The following MAP3K20 variants were observed in gnomAD, a reference collection of about 807,000 sequenced individuals.
The protein encoded by MAP3K20 is HCCS-4.
Under a neutral mutation model 85.7 loss-of-function variants are expected in MAP3K20, and 40 were observed. The observed-to-expected ratio is 0.47, with a 90% CI of 0.36 to 0.61. The LOEUF (loss-of-function observed/expected upper bound fraction) is 0.61, where lower values mean the gene tolerates loss of function less well. Ranked by LOEUF, MAP3K20 falls within the 20% of genes least tolerant of loss-of-function variation. The probability of loss-of-function intolerance (pLI) is 0.00; values close to 1 mark genes in which losing one functional copy is unlikely to be tolerated. For missense variants in MAP3K20, 817 were observed against 961.7 expected (o/e 0.85, Z 1.99); for synonymous variants, 325 against 327.7 (o/e 0.99, Z 0.09).
intron 2 of MAP3K20, among the ~76,000 whole-genome samples, chr2:173,119,629 G>T (rs961896077): frequency 6.6e-6 from 1 of 152,172 alleles, no homozygotes; most frequent in African/African-American, 2.4e-5. Flanking sequence ...GTGCTGAGAG[G>T]CAATAAATTG....
intron 3 of MAP3K20, among the ~76,000 whole-genome samples, chr2:173,181,658 A>G (rs1468313685): frequency 6.6e-6 from 1 of 152,224 alleles, no homozygotes; most frequent in East Asian, 1.9e-4. Flanking sequence ...TGGGGACTGA[A>G]TAAACCAAAT....
At chr2:173,121,447 G>C (rs1305122297) in intron 2 of MAP3K20, among the ~76,000 whole-genome samples, 1 of 152,116 alleles carries the variant, frequency 6.6e-6, no homozygotes, top group African/African-American at 2.4e-5. Context: ...GAGTGCAGCA[G>C]GCAATCTCGG....
intron 7 of MAP3K20, among the ~76,000 whole-genome samples, chr2:173,196,155 G>A (rs1181013145): frequency 1.3e-5 from 2 of 152,150 alleles, no homozygotes; most frequent in African/African-American, 4.8e-5. Flanking sequence ...GGTCTGGAGC[G>A]TTTGATTTAT....
intron 11 of MAP3K20, 74 bp downstream of exon 11, chr2:173,217,324 C>T: frequency 1.5e-6 from 2 of 1,346,412 alleles, no homozygotes; most frequent in Non-Finnish European, 1.9e-6. Context: ...CAGCATGGCA[C>T]CTCTTCCCCT....
At chr2:173,203,978 T>C (rs961772170) in intron 9 of MAP3K20, 108 bp downstream of exon 9, 6 of 1,005,230 alleles carry the variant, frequency 6.0e-6, no homozygotes, top group Non-Finnish European at 9.3e-6. Context: ...CAAAGCTGGA[T>C]TGATGCTCCT....
intron 2 of MAP3K20, among the ~76,000 whole-genome samples, chr2:173,096,898 C>G (rs1687477779): frequency 1.3e-5 from 2 of 152,172 alleles, no homozygotes; most frequent in South Asian, 2.1e-4. Flanking sequence ...AAGGAAGCCA[C>G]TATTGTATCT....
intron 10 of MAP3K20, 181 bp downstream of exon 10, chr2:173,210,016 A>C: frequency 3.3e-6 from 2 of 601,514 alleles, no homozygotes; most frequent in South Asian, 4.0e-5. Context: ...ATAAGCAAGA[A>C]ATAGTGTTTC....
chr2:173,087,204 G>A (rs1001553202), intron 1 of MAP3K20, among the ~76,000 whole-genome samples: 3 of 152,232 alleles, frequency 2.0e-5, no homozygotes, highest in Non-Finnish European at 4.4e-5. Flanking sequence ...AGTCTGGTGG[G>A]AATTAAGTGG....
intron 15 of MAP3K20, among the ~76,000 whole-genome samples, 185 bp from the exon 16 acceptor site, chr2:173,239,219 C>G (rs550372051): frequency 1.6e-4 from 25 of 151,798 alleles, no homozygotes; most frequent in Non-Finnish European, 3.1e-4. Context: ...TGGCAAAGTC[C>G]TGAAAGGCAT....
intron 5 of MAP3K20, among the ~76,000 whole-genome samples, chr2:173,188,129 T>C (rs1171313104): frequency 1.3e-5 from 2 of 152,210 alleles, no homozygotes; most frequent in Non-Finnish European, 2.9e-5. Context: ...GCCACATGAT[T>C]GGAAGTTTGG....
chr2:173,190,878 CT>C lies in MAP3K20; in HGVS notation c.416-11del. 2 of 1,577,086 alleles carry C rather than the reference CT, an allele frequency of 1.3e-6. No homozygotes were observed. The highest frequency in any genetic ancestry group is 1.4e-5 in the African/African-American group (1 of 73,026). ...AATTAGATGATTGTCATAATTTATC[CT>C]TTTTTCTTTTTTTAGTTGTTATAGC... is the stretch of plus-strand genomic sequence containing the variant. On this transcript the variant is annotated splice_polypyrimidine_tract_variant and intron_variant, in intron 5 of 19. Coordinates refer to ENST00000375213, the MANE Select transcript of MAP3K20 (RefSeq NM_016653.3).
At chr2:173,170,635 G>A (rs73023639) in intron 3 of MAP3K20, among the ~76,000 whole-genome samples, 1,852 of 151,862 alleles carry the variant, frequency 0.012, 39 homozygotes, top group African/African-American at 0.042. Flanking sequence ...ACATGTTCTC[G>A]GTAGAGGTGA....
chr2:173,187,863 T>A (rs1690535816), intron 5 of MAP3K20, among the ~76,000 whole-genome samples: 1 of 152,232 alleles, frequency 6.6e-6, no homozygotes, highest in Non-Finnish European at 1.5e-5. Context: ...TGTTTACATT[T>A]TTTCTCTGAT....
At chr2:173,177,673 A>C (rs1284644339) in intron 3 of MAP3K20, among the ~76,000 whole-genome samples, 6 of 152,150 alleles carry the variant, frequency 3.9e-5, no homozygotes, top group Admixed American at 6.6e-5. Context: ...CAGGTGATCC[A>C]CCTGCCTCAG....
intron 2 of MAP3K20, among the ~76,000 whole-genome samples, chr2:173,156,263 T>G (rs1689465460): frequency 6.6e-6 from 1 of 152,240 alleles, no homozygotes; most frequent in Non-Finnish European, 1.5e-5. Flanking sequence ...TCTATCTTGT[T>G]TAAAGCACTG....
chr2:173,096,109 A>G lies in MAP3K20; in HGVS notation c.159+4919A>G, dbSNP rs530895104. The stretch of plus-strand genomic sequence containing the variant: ...TCCATTCATTAATTCATTTTGATAC[A>G]TTTCAAATAAGTTGCAGGCATCAGT... On this transcript the variant is annotated intron_variant, in intron 2 of 19. Coordinates refer to ENST00000375213, the MANE Select transcript of MAP3K20 (RefSeq NM_016653.3). 6.0e-4 allele frequency among the ~76,000 whole-genome samples: 92 copies of G among 152,252 alleles called. 2 individuals carry two copies. The South Asian group carries it at 0.018, about 30-fold the overall frequency.
chr2:173,256,448 G>A (rs762690655), intron 16 of MAP3K20, among the ~76,000 whole-genome samples: 7 of 151,716 alleles, frequency 4.6e-5, no homozygotes, highest in South Asian at 2.1e-4. Context: ...GCAACATAGC[G>A]AGACACTAAC....
chr2:173,242,432 G>A (rs1684809862), intron 16 of MAP3K20, among the ~76,000 whole-genome samples: 1 of 152,000 alleles, frequency 6.6e-6, no homozygotes, highest in Admixed American at 6.6e-5. Flanking sequence ...GCCTCCCAAA[G>A]TGCGGGATTA....
At chr2:173,238,615 C>A (rs1684707734) in intron 15 of MAP3K20, among the ~76,000 whole-genome samples, 180 bp downstream of exon 15, 1 of 152,122 alleles carries the variant, frequency 6.6e-6, no homozygotes, top group African/African-American at 2.4e-5. Flanking sequence ...CCTTGTTCCC[C>A]ACAAGTTGAA....
Sources: gnomAD v4.1 joint callset for allele counts (sites outside exome capture counted in the v4.1 genomes callset) on GRCh38, gnomAD v4.1.1 for gene constraint, MANE v1.5 for transcripts, NCBI Gene and HGNC (gene_info 2026-07-23, HGNC 2026-07-21) for gene names.